C2orf80: variants seen among roughly 807,000 people sequenced by gnomAD.
The protein encoded by C2orf80 is uncharacterized protein C2orf80.
In C2orf80, 28 loss-of-function variants were observed where a neutral mutation model predicts 30.2. That is an observed-to-expected ratio of 0.93 (90% CI 0.69 to 1.27). C2orf80 has a LOEUF of 1.27. Ranked by LOEUF, C2orf80 falls within the 50% of genes most tolerant of loss-of-function variation. The probability of loss-of-function intolerance (pLI) is 0.00; values close to 1 mark genes in which losing one functional copy is unlikely to be tolerated. For synonymous variants in C2orf80, 80 were observed against 76.4 expected, an observed-to-expected ratio of 1.05 and a Z score of -0.24; for missense variants, 220 against 231.0, an observed-to-expected ratio of 0.95 and a Z score of 0.31.
intron 6 of C2orf80, among the ~76,000 whole-genome samples, chr2:208,177,795 A>G (rs370520887): frequency 1.9e-4 from 29 of 148,974 alleles, no homozygotes; most frequent in African/African-American, 7.1e-4. Flanking sequence ...TTCCCCTTCT[A>G]GCACCTTTAT....
At chr2:208,181,634 C>T (rs956278050) in intron 4 of C2orf80, among the ~76,000 whole-genome samples, 1 of 152,022 alleles carries the variant, frequency 6.6e-6, no homozygotes, top group African/African-American at 2.4e-5. Flanking sequence ...GGGGAACTAC[C>T]TAACCCCACT....
intron 8 of C2orf80, among the ~76,000 whole-genome samples, chr2:208,166,217 T>C (rs1574350888): frequency 6.6e-6 from 1 of 152,098 alleles, no homozygotes; most frequent in South Asian, 2.1e-4. Flanking sequence ...CAGAGGTACA[T>C]AGAGTAAAGT....
chr2:208,176,497 G>A (rs1043702645), intron 6 of C2orf80, among the ~76,000 whole-genome samples: 3 of 152,128 alleles, frequency 2.0e-5, no homozygotes, highest in Non-Finnish European at 2.9e-5. Context: ...CACAACTGGC[G>A]AGAAGCTCCT....
chr2:208,174,591 A>G (rs560996326), intron 6 of C2orf80, among the ~76,000 whole-genome samples: 1 of 152,330 alleles, frequency 6.6e-6, no homozygotes, highest in South Asian at 2.1e-4. Context: ...TGTTTGGGTA[A>G]GTGTAATCAT....
At chr2:208,186,370 C>A (rs572463243) in intron 2 of C2orf80, among the ~76,000 whole-genome samples, 65 of 152,032 alleles carry the variant, frequency 4.3e-4, no homozygotes, top group African/African-American at 1.4e-3. Flanking sequence ...TTTCTTTTTT[C>A]TTTTTATATG....
intron 6 of C2orf80, among the ~76,000 whole-genome samples, chr2:208,176,703 T>G (rs1696309008): frequency 6.6e-6 from 1 of 151,942 alleles, no homozygotes; most frequent in African/African-American, 2.4e-5. Flanking sequence ...CGTCCCTGTT[T>G]TTACAAATGA....
intron 1 of C2orf80, 41 bp from the exon 2 acceptor site, chr2:208,187,102 A>G (rs1574377552): frequency 3.3e-6 from 3 of 897,478 alleles, no homozygotes; most frequent in Non-Finnish European, 5.4e-6. Flanking sequence ...TAGGGATGCT[A>G]TCACTCCAAA....
intron 8 of C2orf80, among the ~76,000 whole-genome samples, chr2:208,170,378 T>G (rs1262229448): frequency 6.6e-6 from 1 of 152,186 alleles, no homozygotes; most frequent in Non-Finnish European, 1.5e-5. Context: ...TTCTCCTTTC[T>G]TTCCAACCCT....
In C2orf80 at chr2:208,171,019, T is replaced by C; in HGVS notation, c.499A>G (p.Ile167Val). ...GTGGCATTTGCTTCCTTTGCAGAGA[T>C]GCTGGTGGCATTTTTATTTGTTGTT... ...KVTTNKNATS[I>V]SAKEANATEW... is the part of the protein sequence containing the mutation. The change falls in exon 8 of 9, where the codon ATC becomes GTC. Residue 167 changes from isoleucine (I) to valine (V), a missense_variant. By Grantham distance (29) the Ile-to-Val change is conservative. Coordinates refer to ENST00000341287, the MANE Select transcript of C2orf80 (RefSeq NM_001099334.3). The C allele has an allele frequency of 6.2e-7, 1 of 1,614,202 alleles. No homozygotes were observed. Among genetic ancestry groups the C allele is most frequent in the Non-Finnish European group, 8.5e-7 (1 of 1,179,998 alleles).
Position 208,168,250 on chromosome 2 carries a change from A to C in C2orf80, c.574-2435T>G, listed in dbSNP as rs1311763292. 2.7e-5 allele frequency: 5 copies of C among 186,578 alleles called. No individual in the cohort carries two copies. In the South Asian group the frequency reaches 4.0e-4, roughly 15 times the overall value. The allele number at this position is 186,578 out of a possible 1,614,324, so 11.6% of individuals were successfully genotyped here. ...AATATTAACAGTGGTTATTTCTGAA[A>C]AGTGGGACAGGGGTGTGAAGAAGAG... On this transcript the variant is annotated intron_variant, in intron 8 of 8. Transcript: ENST00000341287.
Position 208,186,934 on chromosome 2 carries a change from A to T in C2orf80, c.41+12T>A, listed in dbSNP as rs753988540. On this transcript the variant is annotated intron_variant, in intron 2 of 8. Transcript: ENST00000341287. ...AGTGTCATAAATGAAAGTTATTCTC[A>T]GTCATACTTACAAGAGCTTTTTCAT... 6.2e-7 allele frequency: 1 copy of T among 1,611,382 alleles called. No homozygotes were observed. The highest frequency in any genetic ancestry group is 8.5e-7 in the Non-Finnish European group (1 of 1,177,430).
In C2orf80 at chr2:208,165,745, T is replaced by A. The variant is rs1285689467; in HGVS notation, c.*62A>T. 6.2e-7 allele frequency: 1 copy of A among 1,610,522 alleles called. No individual in the cohort carries two copies. The highest frequency in any genetic ancestry group is 2.2e-5 in the East Asian group (1 of 44,744). On this transcript the variant is annotated 3_prime_UTR_variant, in exon 9 of 9. Transcript: ENST00000341287. ...ACTGGCAAGAGCTGTGGTTTTAAGA[T>A]GATGCTTCTCGTCTGCTCCCAGAGA... is the stretch of plus-strand genomic sequence containing the variant.
At chr2:208,189,099 G>A (rs1019109624) in intron 1 of C2orf80, among the ~76,000 whole-genome samples, 2 of 152,136 alleles carry the variant, frequency 1.3e-5, no homozygotes, top group African/African-American at 4.8e-5. Context: ...TATAAAGTCT[G>A]GCATGCATTA....
intron 6 of C2orf80, among the ~76,000 whole-genome samples, chr2:208,177,819 TA>T: frequency 2.6e-5 from 4 of 151,504 alleles, no homozygotes; most frequent in African/African-American, 9.7e-5. Context: ...TTTATTTATT[TA>T]TTTATTTATT....
intron 7 of C2orf80, among the ~76,000 whole-genome samples, chr2:208,171,682 CAA>C (rs1415685738): frequency 6.6e-6 from 1 of 152,082 alleles, no homozygotes; most frequent in Non-Finnish European, 1.5e-5. Context: ...TCTGGGCACA[CAA>C]GAGATCCTTC....
At chr2:208,177,756 T>C (rs1439513809) in intron 6 of C2orf80, among the ~76,000 whole-genome samples, 1 of 152,104 alleles carries the variant, frequency 6.6e-6, no homozygotes, top group Non-Finnish European at 1.5e-5. Context: ...TAGGTAGAGA[T>C]TGGTTGGTCC....
chr2:208,170,857 C>T, intron 8 of C2orf80, 88 bp downstream of exon 8: 1 of 1,059,770 alleles, frequency 9.4e-7, no homozygotes, highest in Non-Finnish European at 1.4e-6. Context: ...CACCTGACTC[C>T]AAAGGCTAGA....
chr2:208,184,698 T>C (rs954145247), intron 3 of C2orf80, among the ~76,000 whole-genome samples: 10 of 152,224 alleles, frequency 6.6e-5, no homozygotes, highest in African/African-American at 2.4e-4. Context: ...CTGGCATTAA[T>C]TTTGATTTTT....
intron 8 of C2orf80, among the ~76,000 whole-genome samples, chr2:208,170,500 G>A (rs7596783): frequency 0.095 from 14,469 of 152,234 alleles, 739 homozygotes; most frequent in Admixed American, 0.12. Context: ...TTATTGCTGA[G>A]AGAGGGATCA....
Sources: gnomAD v4.1 joint callset for allele counts (sites outside exome capture counted in the v4.1 genomes callset) on GRCh38, gnomAD v4.1.1 for gene constraint, MANE v1.5 for transcripts, NCBI Gene and HGNC (gene_info 2026-07-23, HGNC 2026-07-21) for gene names.